Variants in LVRN observed in about 807,000 individuals in gnomAD.
LVRN encodes the protein laeverin, also known as aminopeptidase Q.
In LVRN, 99 loss-of-function variants were observed where a neutral mutation model predicts 111.4. That is an observed-to-expected ratio of 0.89 (90% confidence interval 0.76 to 1.05). The LOEUF is 1.05. Among genes scored for constraint, LVRN ranks in the 50% least tolerant of loss-of-function variants. The pLI, the probability that LVRN is intolerant of heterozygous loss-of-function variation, is 0.00. For missense variants in LVRN, 1,414 were observed against 1,206.8 expected (o/e 1.17, Z -2.54); for synonymous variants, 488 against 449.5 (o/e 1.09, Z -1.08).
chr5:116,001,724 G>A lies in LVRN; in HGVS notation c.1820+485G>A, dbSNP rs187235638. Reference sequence around the variant, plus strand: ...GGATGCGTGCGTTTGTGTATTTGTAGCCATACCCACAACATTAGAATTAAG... The same window carrying A: ...GGATGCGTGCGTTTGTGTATTTGTAACCATACCCACAACATTAGAATTAAG... On this transcript the variant is annotated intron_variant, in intron 10 of 19. Transcript: ENST00000357872. Among the ~76,000 whole-genome samples, 547 of 152,244 alleles carry A rather than the reference G, an allele frequency of 3.6e-3. 4 individuals carry two copies. Among genetic ancestry groups the A allele is most frequent in the African/African-American group, 0.012 (516 of 41,548 alleles).
At chr5:116,009,881 T>A (rs1748450293) in intron 13 of LVRN, among the ~76,000 whole-genome samples, 1 of 152,180 alleles carries the variant, frequency 6.6e-6, no homozygotes, top group Non-Finnish European at 1.5e-5. Flanking sequence ...GAATATTACG[T>A]ATACTTAGTT....
At position 116,002,833 on chromosome 5, in the gene LVRN, A is replaced by G. The variant is rs1748265407; in HGVS notation, c.1821-2A>G. ...CTAATTTTTTTATTTTCTTCCAATA[A>G]GTGACACATGGATTGTCCCTATTCT... On this transcript the variant is annotated splice_acceptor_variant, in intron 10 of 19. Coordinates refer to ENST00000357872, the MANE Select transcript of LVRN (RefSeq NM_173800.5). LOFTEE classifies it high-confidence loss of function. 1.3e-6 allele frequency: 2 copies of G among 1,597,228 alleles called. No individual in the cohort carries two copies. The highest frequency in any genetic ancestry group is 1.3e-5 in the African/African-American group (1 of 74,534).
chr5:116,022,444 C>T lies in LVRN; in HGVS notation c.2810C>T (p.Thr937Ile). The change falls in exon 19 of 20, where the codon ACT becomes ATT. Residue 937 changes from threonine (T) to isoleucine (I), a missense_variant. Thr to Ile is a moderately conservative substitution (Grantham distance 89). Coordinates refer to ENST00000357872, the MANE Select transcript of LVRN (RefSeq NM_173800.5). ...ATATATACAATAGGGAGAACCGTAA[C>T]TACAGATTTACAGATTGTGGAGGTA... Reference protein sequence around the residue: ...NLIYTIGRTVTTDLQIVELQQ... With the variant: ...NLIYTIGRTVITDLQIVELQQ... The T allele has an allele frequency of 1.3e-6, 2 of 1,558,124 alleles. No homozygotes were observed. The highest frequency in any genetic ancestry group is 1.7e-6 in the Non-Finnish European group (2 of 1,144,334).
intron 3 of LVRN, among the ~76,000 whole-genome samples, chr5:115,985,486 G>T (rs531818480): frequency 3.1e-4 from 47 of 152,156 alleles, no homozygotes; most frequent in Non-Finnish European, 4.4e-4. Flanking sequence ...AGAACAACAA[G>T]GGTGGTTTTG....
In LVRN at chr5:116,010,899, T is replaced by G. The variant is rs1748475563; in HGVS notation, c.2247+5T>G. The stretch of plus-strand genomic sequence containing the variant: ...GATATATACTCATTATTAAAGGTAA[T>G]TTCATTCTTTCTTATGTAGTTTTTA... On this transcript the variant is annotated splice_donor_5th_base_variant and intron_variant, in intron 14 of 19. Transcript: ENST00000357872. 1 of 1,544,946 alleles carries G rather than the reference T, an allele frequency of 6.5e-7. No individual in the cohort carries two copies. The highest frequency in any genetic ancestry group is 8.7e-7 in the Non-Finnish European group (1 of 1,149,542).
chr5:116,005,510 G>A (rs951786884), intron 12 of LVRN, among the ~76,000 whole-genome samples: 6 of 152,216 alleles, frequency 3.9e-5, no homozygotes, highest in South Asian at 2.1e-4. Flanking sequence ...CCAAAATAGC[G>A]CTAAATAATA....
At chr5:115,969,352 C>T (rs1001288691) in intron 1 of LVRN, among the ~76,000 whole-genome samples, 2 of 152,006 alleles carry the variant, frequency 1.3e-5, no homozygotes, top group East Asian at 3.9e-4. Flanking sequence ...ACAGGCAGGT[C>T]CTGAGGTTCT....
intron 1 of LVRN, among the ~76,000 whole-genome samples, chr5:115,980,051 G>A (rs1184850078): frequency 6.6e-6 from 1 of 152,038 alleles, no homozygotes; most frequent in Non-Finnish European, 1.5e-5. Context: ...TTCCAGACAA[G>A]AGGGCAGGAA....
chr5:116,007,135 C>T (rs1748392184), intron 13 of LVRN, among the ~76,000 whole-genome samples: 1 of 152,212 alleles, frequency 6.6e-6, no homozygotes, highest in African/African-American at 2.4e-5. Context: ...TTAAATTAGC[C>T]TCCAGCCTTC....
intron 1 of LVRN, among the ~76,000 whole-genome samples, chr5:115,981,519 G>A (rs1753559771): frequency 6.6e-6 from 1 of 152,090 alleles, no homozygotes; most frequent in South Asian, 2.1e-4. Context: ...GGCATGGAAT[G>A]CATAATAATC....
chr5:116,014,639 G>A (rs367791355), intron 16 of LVRN, 112 bp downstream of exon 16: 61 of 803,386 alleles, frequency 7.6e-5, no homozygotes, highest in Middle Eastern at 4.6e-4. Flanking sequence ...TTGGTTAGGC[G>A]CTCTCTCCTA....
At chr5:115,999,664 C>T in intron 6 of LVRN, 98 bp from the exon 7 acceptor site, 1 of 1,320,652 alleles carries the variant, frequency 7.6e-7, no homozygotes, top group Non-Finnish European at 1.1e-6. Flanking sequence ...AATTTTCTCC[C>T]TCTTCAATAT....
intron 18 of LVRN, among the ~76,000 whole-genome samples, chr5:116,018,345 G>GA (rs931011711): frequency 4.7e-4 from 72 of 152,082 alleles, no homozygotes; most frequent in African/African-American, 1.7e-3. Flanking sequence ...GAGTACTACT[G>GA]AAAATATTTA....
rs1029667108 is a variant in LVRN, at chr5:115,962,691, C to T, written c.74C>T (p.Ala25Val). The stretch of plus-strand genomic sequence containing the variant: ...CTGCTGCTGGCTGGGCTGGTAGCCG[C>T]CCTCCTGCTGGCGCTGGCCGTACTC... The part of the protein sequence containing the change: ...VALLLAGLVA[A>V]LLLALAVLAA... The change falls in exon 1 of 20, where the codon GCC (alanine) becomes GTC (valine). Residue 25 changes from alanine (A) to valine (V), a missense_variant. Ala to Val is a moderately conservative substitution (Grantham distance 64). Coordinates refer to ENST00000357872, the MANE Select transcript of LVRN (RefSeq NM_173800.5). The T allele has an allele frequency of 4.3e-6, 7 of 1,610,916 alleles. No individual in the cohort carries two copies. The highest frequency in any genetic ancestry group is 3.3e-5 in the South Asian group (3 of 91,008).
At chr5:115,974,986 G>T in intron 1 of LVRN, 1 of 390,776 alleles carries the variant, frequency 2.6e-6, no homozygotes, top group Non-Finnish European at 5.0e-6. Context: ...TAATCACTTT[G>T]TCTCTGGGTG....
chr5:115,993,833 CT>C lies in LVRN; in HGVS notation c.1356del (p.Phe452LeufsTer27). On this transcript the variant is annotated frameshift_variant, in exon 6 of 20. Coordinates refer to ENST00000357872, the MANE Select transcript of LVRN (RefSeq NM_173800.5). LOFTEE classifies it high-confidence loss of function. ...SYFEFEVINY[F>X]NPKLPRNEIF... is the part of the protein sequence containing the mutation. ...ATTTTGAGTTTGAAGTAATTAACTA[CT>C]TTAATCCTAAACTCCCAAGAGTAAG... is the stretch of plus-strand genomic sequence containing the variant. 1 of 1,600,296 alleles carries C rather than the reference CT, an allele frequency of 6.2e-7. No individual in the cohort carries two copies. Among genetic ancestry groups the C allele is most frequent in the South Asian group, 1.1e-5 (1 of 88,264 alleles).
chr5:116,022,493 C>T (rs7714138), intron 19 of LVRN, 27 bp downstream of exon 19: 247,669 of 1,451,964 alleles, frequency 0.17, 22,987 homozygotes, highest in Admixed American at 0.19. Flanking sequence ...TTATGAAATA[C>T]AATGATAATT....
intron 1 of LVRN, among the ~76,000 whole-genome samples, chr5:115,964,335 C>A (rs1302992612): frequency 6.6e-6 from 1 of 152,188 alleles, no homozygotes; most frequent in Admixed American, 6.5e-5. Flanking sequence ...CCATCTCCTG[C>A]ACTACTTTCA....
At position 115,963,030 on chromosome 5, in the gene LVRN, C is replaced by A; in HGVS notation, c.413C>A (p.Thr138Lys). The A allele has an allele frequency of 6.2e-7, 1 of 1,613,652 alleles. No homozygotes were observed. Among genetic ancestry groups the A allele is most frequent in the South Asian group, 1.1e-5 (1 of 91,078 alleles). Reference protein sequence around the residue: ...TGRVNITVRCTVATSRLLLHS... With the variant: ...TGRVNITVRCKVATSRLLLHS... ...CGCGTGAACATCACGGTGCGCTGCACGGTGGCCACCTCTCGACTGCTGCTG... is the reference window on the plus strand; with the variant it reads ...CGCGTGAACATCACGGTGCGCTGCAAGGTGGCCACCTCTCGACTGCTGCTG... Residue 138 changes from threonine (T) to lysine (K), a missense_variant, in exon 1 of 20, where the codon ACG becomes AAG. Thr to Lys is a moderately conservative substitution (Grantham distance 78). Coordinates refer to ENST00000357872, the MANE Select transcript of LVRN (RefSeq NM_173800.5).
Sources: gnomAD v4.1 joint callset for allele counts (sites outside exome capture counted in the v4.1 genomes callset) on GRCh38, gnomAD v4.1.1 for gene constraint, MANE v1.5 for transcripts, NCBI Gene and HGNC (gene_info 2026-07-23, HGNC 2026-07-21) for gene names.